CCDC149: variants seen among roughly 807,000 people sequenced by gnomAD.
CCDC149 encodes coiled-coil domain-containing protein 149.
A neutral mutation model predicts 59.9 loss-of-function variants in CCDC149; 45 were observed. The observed-to-expected ratio is 0.75, with a 90% CI of 0.59 to 0.96. CCDC149 has a LOEUF of 0.96. Among genes scored for constraint, CCDC149 ranks in the 40% least tolerant of loss-of-function variants. The pLI is 0.00. For missense variants in CCDC149, 584 were observed against 664.7 expected, an observed-to-expected ratio of 0.88 and a Z score of 1.33; for synonymous variants, 245 against 260.6, an observed-to-expected ratio of 0.94 and a Z score of 0.58.
chr4:24,945,680 G>A (rs992743009), intron 1 of CCDC149, among the ~76,000 whole-genome samples: 5 of 150,898 alleles, frequency 3.3e-5, no homozygotes, highest in Admixed American at 1.3e-4. Flanking sequence ...GGAGTTCAGT[G>A]GTGCAATCTC....
rs540938216 is a variant in CCDC149, at chr4:24,855,579, A to AAC, written c.265-2401_265-2400insGT. On this transcript the variant is annotated intron_variant, in intron 3 of 12. Coordinates refer to ENST00000635206, the MANE Select transcript of CCDC149 (RefSeq NM_001330643.2). ...AACAAAGAGAGACTCTGTCTCAAAA[A>AAC]AAAAAAAGGAAGAAAAAAGAAAAAA... 2.3e-4 allele frequency among the ~76,000 whole-genome samples: 34 copies of AAC among 150,728 alleles called. 1 individual carries two copies. The South Asian group carries it at 7.2e-3, about 32-fold the overall frequency.
At chr4:24,872,734 A>T (rs4697487) in intron 3 of CCDC149, among the ~76,000 whole-genome samples, 139,816 of 151,256 alleles carry the variant, frequency 0.92, 64,679 homozygotes, top group Admixed American at 0.95. Context: ...CCAAATGGTA[A>T]GCACCCACAG....
chr4:24,947,058 G>T lies in CCDC149; in HGVS notation c.-65+33011C>A, dbSNP rs554536058. 8.8e-4 allele frequency among the ~76,000 whole-genome samples: 134 copies of T among 152,164 alleles called. 2 individuals carry two copies. The highest frequency in any genetic ancestry group is 1.4e-3 in the Non-Finnish European group (98 of 67,990). The stretch of plus-strand genomic sequence containing the variant: ...TGTGCAGGACAGTAATAATATTTTT[G>T]CAATCTTTGGATAAATTATGTTAAT... On this transcript the variant is annotated intron_variant, in intron 1 of 12. Transcript: ENST00000389609.
At chr4:24,908,442 A>G (rs1721666695) in intron 1 of CCDC149, among the ~76,000 whole-genome samples, 1 of 151,938 alleles carries the variant, frequency 6.6e-6, no homozygotes, top group African/African-American at 2.4e-5. Flanking sequence ...TCATGCCTAT[A>G]ATCCCATCAC....
intron 9 of CCDC149, chr4:24,826,893 C>G (rs1205576789): frequency 1.3e-5 from 2 of 152,214 alleles, no homozygotes; most frequent in East Asian, 3.9e-4. Context: ...AGGAGATAAA[C>G]AGCAGTAGCT....
upstream of CCDC149, among the ~76,000 whole-genome samples, chr4:24,915,790 G>A (rs553480549): frequency 1.3e-5 from 2 of 152,292 alleles, no homozygotes; most frequent in South Asian, 4.1e-4. Context: ...CACAAACCAA[G>A]GCAATGTAGC....
chr4:24,956,795 C>G (rs1217618333), intron 1 of CCDC149, among the ~76,000 whole-genome samples: 1 of 152,186 alleles, frequency 6.6e-6, no homozygotes, highest in Non-Finnish European at 1.5e-5. Context: ...GAAGCAGAAA[C>G]TTGGCGGGTC....
chr4:24,814,603 TCTTTA>T (rs1164992995), intron 12 of CCDC149, among the ~76,000 whole-genome samples: 1 of 152,184 alleles, frequency 6.6e-6, no homozygotes, highest in African/African-American at 2.4e-5. Flanking sequence ...TGGTTCTGAA[TCTTTA>T]CTTCAATAAG....
intron 3 of CCDC149, among the ~76,000 whole-genome samples, chr4:24,872,555 T>G (rs1242014047): frequency 6.6e-6 from 1 of 151,222 alleles, no homozygotes; most frequent in Non-Finnish European, 1.5e-5. Context: ...TAGAATGACA[T>G]GCACCCACTG....
rs1560230567 is a variant in CCDC149, at chr4:24,874,262, T to TG, written c.226-544_226-543insC. The stretch of plus-strand genomic sequence containing the variant: ...TAGATTTGTTTTTTTTTTTTTTTGT[T>TG]TTGTTTTTTTTTGTTTTTTTGCCTT... On this transcript the variant is annotated intron_variant, in intron 2 of 12. Coordinates refer to ENST00000635206, the MANE Select transcript of CCDC149 (RefSeq NM_001330643.2). 1.4e-4 allele frequency among the ~76,000 whole-genome samples: 5 copies of TG among 35,702 alleles called. No individual in the cohort carries two copies. The East Asian group carries it at 2.2e-3, about 16-fold the overall frequency. 23.4% of individuals were successfully genotyped at this position (35,702 alleles called of 152,430 possible). A position where few individuals can be genotyped will look rare whatever the true frequency, so the allele number is the denominator to read the frequency against.
chr4:24,921,910 A>G (rs571101310), intron 1 of CCDC149, among the ~76,000 whole-genome samples: 4 of 152,196 alleles, frequency 2.6e-5, no homozygotes, highest in Admixed American at 6.5e-5. Context: ...AAAGGACCAC[A>G]GATGGGGGTG....
chr4:24,895,336 C>A (rs1239111987), intron 1 of CCDC149, among the ~76,000 whole-genome samples: 1 of 152,146 alleles, frequency 6.6e-6, no homozygotes, highest in South Asian at 2.1e-4. Context: ...TGTGCCTCTG[C>A]TGTCTACGTG....
intron 1 of CCDC149, among the ~76,000 whole-genome samples, chr4:24,920,720 G>A (rs1027172221): frequency 6.6e-5 from 10 of 152,170 alleles, no homozygotes; most frequent in African/African-American, 1.9e-4. Flanking sequence ...TTTTTACCAC[G>A]AATTATTCTT....
downstream of CCDC149, among the ~76,000 whole-genome samples, chr4:24,805,424 C>G (rs1262453235): frequency 1.3e-5 from 2 of 152,170 alleles, no homozygotes; most frequent in African/African-American, 2.4e-5. Flanking sequence ...TCATCGGAAA[C>G]ATGATTTTCT....
chr4:24,841,832 T>C (rs1245259056), intron 4 of CCDC149, among the ~76,000 whole-genome samples: 6 of 152,118 alleles, frequency 3.9e-5, no homozygotes, highest in Non-Finnish European at 7.4e-5. Flanking sequence ...TGGGGTTGAG[T>C]TAAATGAACA....
chr4:24,881,201 A>G (rs938349663), intron 1 of CCDC149, among the ~76,000 whole-genome samples: 4 of 152,224 alleles, frequency 2.6e-5, no homozygotes, highest in African/African-American at 9.6e-5. Context: ...GAAAAGGCCA[A>G]ACGTCTATTG....
At chr4:24,833,696 C>A (rs950528301) in intron 8 of CCDC149, among the ~76,000 whole-genome samples, 1 of 152,168 alleles carries the variant, frequency 6.6e-6, no homozygotes, top group Non-Finnish European at 1.5e-5. Flanking sequence ...TTAACTACTG[C>A]TGGACATTTA....
intron 1 of CCDC149, among the ~76,000 whole-genome samples, chr4:24,897,341 T>G (rs7677838): frequency 0.19 from 28,174 of 152,016 alleles, 2,765 homozygotes; most frequent in South Asian, 0.28. Flanking sequence ...TCAAAATAAG[T>G]CTGGAAAGTT....
chr4:24,922,698 A>G (rs1265667741), intron 1 of CCDC149, among the ~76,000 whole-genome samples: 1 of 152,114 alleles, frequency 6.6e-6, no homozygotes, highest in African/African-American at 2.4e-5. Flanking sequence ...AGGAGATACT[A>G]CAAAGGCTTT....
Sources: allele counts gnomAD v4.1 joint callset (sites outside exome capture counted in the v4.1 genomes callset), GRCh38; gene constraint gnomAD v4.1.1; transcripts MANE v1.5; gene names NCBI Gene and HGNC (gene_info 2026-07-23, HGNC 2026-07-21).